The following APC variants were observed in gnomAD, a reference collection of about 807,000 sequenced individuals.
The protein encoded by APC is adenomatous polyposis coli protein.
In APC, 72 loss-of-function variants were observed where a neutral mutation model predicts 247.0. The ratio of observed to expected loss-of-function variants is 0.29; its 90% CI spans 0.24 to 0.35. APC has a LOEUF of 0.35. Among genes scored for constraint, APC ranks in the 10% least tolerant of loss-of-function variants. The pLI, the probability that APC is intolerant of heterozygous loss-of-function variation, is 1.00. For missense variants in APC, 3,400 were observed against 3,360.7 expected (o/e 1.01, Z -0.29); for synonymous variants, 1,254 against 1,162.5 (o/e 1.08, Z -1.60).
At position 112,839,015 on chromosome 5, in the gene APC, A is replaced by T. The variant is rs1476899240; in HGVS notation, c.3421A>T (p.Thr1141Ser). 1 of 1,614,154 alleles carries T rather than the reference A, an allele frequency of 6.2e-7. No individual in the cohort carries two copies. Among genetic ancestry groups the T allele is most frequent in the Non-Finnish European group, 8.5e-7 (1 of 1,180,024 alleles). Reference sequence around the variant, plus strand: ...AGATGACTATGAAGATGATAAGCCTACCAATTATAGTGAACGTTACTCTGA... The same window carrying T: ...AGATGACTATGAAGATGATAAGCCTTCCAATTATAGTGAACGTTACTCTGA... The part of the protein sequence containing the change: ...QEDDYEDDKP[T>S]NYSERYSEEE... The change falls in exon 16 of 16, where the codon ACC (threonine) becomes TCC (serine). Residue 1141 changes from threonine (T) to serine (S), a missense_variant. By Grantham distance (58) the Thr-to-Ser change is moderately conservative. Around this residue, in one of 9 missense-constraint regions of APC, gnomAD observed 715 missense variants for 656.6 expected, o/e 1.09. Transcript: ENST00000257430. This position sits in a 1 kb window ranked among gnomAD's most constrained non-coding sequence, Gnocchi z 5.0.
chr5:112,739,923 G>A (rs764810849), intron 1 of APC, among the ~76,000 whole-genome samples: 2 of 152,090 alleles, frequency 1.3e-5, no homozygotes, highest in African/African-American at 2.4e-5. Context: ...TATTTTAAAT[G>A]TTAGAGACTC....
chr5:112,844,047 C>T lies in APC; in HGVS notation c.8453C>T (p.Ser2818Phe), dbSNP rs2150005665. The change falls in exon 16 of 16, where the codon TCC (serine) becomes TTC (phenylalanine). Residue 2818 changes from serine to phenylalanine, a missense_variant. Physicochemically the swap from Ser to Phe is radical, Grantham distance 155. Around this residue, in one of 9 missense-constraint regions of APC, gnomAD observed 1,788 missense variants for 1,649.5 expected, o/e 1.08. Coordinates refer to ENST00000257430, the MANE Select transcript of APC (RefSeq NM_000038.6). ...AATAACAACACAAAGAAGCGAGATT[C>T]CAAAACTGACAGCACAGAATCCAGT... ...PVNNNTKKRD[S>F]KTDSTESSGT... The T allele has an allele frequency of 6.2e-7, 1 of 1,602,366 alleles. No individual in the cohort carries two copies. The highest frequency in any genetic ancestry group is 8.5e-7 in the Non-Finnish European group (1 of 1,177,066).
chr5:112,749,021 T>G (rs576020829), intron 1 of APC, among the ~76,000 whole-genome samples: 1 of 152,146 alleles, frequency 6.6e-6, no homozygotes, highest in Non-Finnish European at 1.5e-5. Flanking sequence ...ACAGTTTCCC[T>G]CCTATTTCCA....
rs768878237 is a variant in APC at position 112,841,570 on chromosome 5, C to A, written c.5976C>A (p.Pro1992=). The change falls in exon 16 of 16, where the codon CCC becomes CCA. Residue 1992 remains proline (P), a synonymous_variant. Transcript: ENST00000257430. This position sits in a 1 kb window ranked among gnomAD's most constrained non-coding sequence, Gnocchi z 4.6. Reference sequence around the variant, plus strand: ...ATGAACCTATCAAAGAGACTGAGCCCCCTGACTCACAGGGAGAACCAAGTA... The same window carrying A: ...ATGAACCTATCAAAGAGACTGAGCCACCTGACTCACAGGGAGAACCAAGTA... The part of the protein sequence containing the change: ...KENEPIKETE[P]PDSQGEPSKP... 8 of 1,613,770 alleles carry A rather than the reference C, an allele frequency of 5.0e-6. No individual in the cohort carries two copies. The Admixed American group carries it at 1.2e-4, about 24-fold the overall frequency.
At chr5:112,753,167 T>C (rs1581116083) in intron 1 of APC, among the ~76,000 whole-genome samples, 2 of 152,202 alleles carry the variant, frequency 1.3e-5, no homozygotes. Context: ...CTCTGTCATA[T>C]GGTTTATAAT....
intron 8 of APC, among the ~76,000 whole-genome samples, chr5:112,814,166 A>G (rs1762253809): frequency 6.6e-6 from 1 of 152,214 alleles, no homozygotes; most frequent in Admixed American, 6.5e-5. Flanking sequence ...AGAACTGCAA[A>G]AGAATGCCTG....
At chr5:112,770,343 C>T (rs1157954006) in intron 4 of APC, among the ~76,000 whole-genome samples, 1 of 152,012 alleles carries the variant, frequency 6.6e-6, no homozygotes, top group East Asian at 1.9e-4. Flanking sequence ...TATATAATAC[C>T]ACTGTAAGTA....
intron 6 of APC, among the ~76,000 whole-genome samples, chr5:112,789,857 A>T (rs983769227): frequency 6.1e-5 from 9 of 147,298 alleles, no homozygotes; most frequent in East Asian, 4.0e-4. Context: ...CTTAAAGAAT[A>T]TTTTTTTTTT....
chr5:112,746,382 A>G (rs541874791), intron 1 of APC, among the ~76,000 whole-genome samples: 1 of 152,308 alleles, frequency 6.6e-6, no homozygotes, highest in South Asian at 2.1e-4. Context: ...ATATAAAAAG[A>G]TGAGATAGCA....
chr5:112,751,768 A>G (rs1464979962), intron 1 of APC, among the ~76,000 whole-genome samples: 1 of 151,764 alleles, frequency 6.6e-6, no homozygotes, highest in African/African-American at 2.4e-5. Flanking sequence ...ATTTTTTTCT[A>G]ATTTTATTCA....
intron 14 of APC, chr5:112,829,192 G>A: frequency 2.3e-6 from 1 of 430,162 alleles, no homozygotes; most frequent in South Asian, 2.1e-5. Flanking sequence ...AGGCTGGAGT[G>A]CAGTGGTCTG....
At chr5:112,726,110 C>T (rs1581037032) in intron 1 of APC, among the ~76,000 whole-genome samples, 1 of 152,166 alleles carries the variant, frequency 6.6e-6, no homozygotes, top group Non-Finnish European at 1.5e-5. Flanking sequence ...GGCTCCGGCC[C>T]CCTGGCAGCA....
chr5:112,816,915 C>G lies in APC; in HGVS notation c.933+1322C>G, dbSNP rs1254192776. 4.0e-5 allele frequency among the ~76,000 whole-genome samples: 6 copies of G among 151,738 alleles called. 1 individual carries two copies. Among genetic ancestry groups the G allele is most frequent in the African/African-American group, 1.5e-4 (6 of 41,312 alleles). Reference sequence around the variant, plus strand: ...ATGGAGTCTTGCTCTGTTGCCCAGGCTGTAGTGCAGTGGCACGATCTTGGC... The same window carrying G: ...ATGGAGTCTTGCTCTGTTGCCCAGGGTGTAGTGCAGTGGCACGATCTTGGC... On this transcript the variant is annotated intron_variant, in intron 9 of 15. Transcript: ENST00000257430.
rs1429416316 is a variant in APC at position 112,844,776 on chromosome 5, T to C, written c.*650T>C. ...TTTTGTGCTCCAAACAAAACAAAAATCTGTGTAACTGTAAAACATTGAATG... is the reference window on the plus strand; with the variant it reads ...TTTTGTGCTCCAAACAAAACAAAAACCTGTGTAACTGTAAAACATTGAATG... On this transcript the variant is annotated 3_prime_UTR_variant, in exon 16 of 16. Transcript: ENST00000257430. 3.4e-5 allele frequency: 8 copies of C among 231,908 alleles called. No homozygotes were observed. The highest frequency in any genetic ancestry group is 6.8e-5 in the Non-Finnish European group (8 of 117,136). 14.4% of individuals were successfully genotyped at this position (231,908 alleles called of 1,614,324 possible). A position where few individuals can be genotyped will look rare whatever the true frequency, so the allele number is the denominator to read the frequency against.
intron 7 of APC, among the ~76,000 whole-genome samples, chr5:112,799,404 C>T (rs1434965392): frequency 6.6e-6 from 1 of 151,916 alleles, no homozygotes; most frequent in East Asian, 1.9e-4. Context: ...ACCTCTTCCT[C>T]CACTCCCCAT....
chr5:112,836,279 C>T (rs1031556355), intron 15 of APC, among the ~76,000 whole-genome samples: 2 of 151,048 alleles, frequency 1.3e-5, no homozygotes, highest in Non-Finnish European at 3.0e-5. Context: ...GATCCGCCCA[C>T]CTCGGCCTCC....
At chr5:112,740,090 T>C (rs548879590) in intron 1 of APC, among the ~76,000 whole-genome samples, 1 of 152,294 alleles carries the variant, frequency 6.6e-6, no homozygotes, top group African/African-American at 2.4e-5. Flanking sequence ...AAAAACAGTG[T>C]AAGTCACTGA....
intron 8 of APC, among the ~76,000 whole-genome samples, chr5:112,810,999 T>A (rs1761927735): frequency 6.7e-6 from 1 of 149,700 alleles, no homozygotes; most frequent in South Asian, 2.2e-4. Context: ...CACTCCAGCC[T>A]GGGCAACACA....
intron 8 of APC, among the ~76,000 whole-genome samples, chr5:112,803,185 A>C (rs1761018164): frequency 6.6e-6 from 1 of 152,162 alleles, no homozygotes; most frequent in Non-Finnish European, 1.5e-5. Context: ...GTATGACATG[A>C]AACAGGCTTT....
Sources: gnomAD v4.1 joint callset for allele counts (sites outside exome capture counted in the v4.1 genomes callset) on GRCh38, gnomAD v4.1.1 for gene constraint, gnomAD v4.1.1 regional missense constraint, Gnocchi (gnomAD v3.1) non-coding constraint, MANE v1.5 for transcripts, NCBI Gene and HGNC (gene_info 2026-07-23, HGNC 2026-07-21) for gene names.